Variants in GRIP1 observed in about 807,000 individuals in gnomAD.
GRIP1 encodes the protein glutamate receptor interacting protein 1.
GRIP1 carries 45 observed loss-of-function variants against 129.9 expected under a neutral mutation model. The ratio of observed to expected loss-of-function variants is 0.35; its 90% CI spans 0.27 to 0.44. The LOEUF (loss-of-function observed/expected upper bound fraction) is 0.44. Among genes scored for constraint, GRIP1 ranks in the 20% least tolerant of loss-of-function variants. The pLI, the probability that GRIP1 is intolerant of heterozygous loss-of-function variation, is 1.00. For missense variants in GRIP1, 1,196 were observed against 1,396.8 expected, an observed-to-expected ratio of 0.86 and a Z score of 2.29; for synonymous variants, 530 against 520.8, an observed-to-expected ratio of 1.02 and a Z score of -0.24.
intron 1 of GRIP1, among the ~76,000 whole-genome samples, chr12:66,769,395 C>T (rs769570685): frequency 6.6e-6 from 1 of 152,050 alleles, no homozygotes; most frequent in Admixed American, 6.6e-5. Flanking sequence ...AGTTTGAGAA[C>T]CACTGTTTTA....
intron 1 of GRIP1, among the ~76,000 whole-genome samples, chr12:66,863,636 G>A (rs950524454): frequency 1.3e-5 from 2 of 152,008 alleles, no homozygotes; most frequent in African/African-American, 2.4e-5. Flanking sequence ...ATAACTAAAA[G>A]GCCAGGTGGT....
chr12:66,802,376 G>A (rs975292953), intron 1 of GRIP1, among the ~76,000 whole-genome samples: 2 of 152,018 alleles, frequency 1.3e-5, no homozygotes, highest in Non-Finnish European at 2.9e-5. Context: ...CCTTAGCATG[G>A]CCTTGACAAA....
intron 7 of GRIP1, among the ~76,000 whole-genome samples, chr12:66,490,466 A>G (rs1245714035): frequency 1.3e-5 from 2 of 152,210 alleles, no homozygotes. Context: ...TACACCTTAT[A>G]CAAAAATTAA....
At chr12:66,586,064 A>G (rs906483208) in intron 2 of GRIP1, among the ~76,000 whole-genome samples, 1 of 152,122 alleles carries the variant, frequency 6.6e-6, no homozygotes, top group African/African-American at 2.4e-5. Flanking sequence ...CATAGACCAC[A>G]TGCTCCCTCT....
chr12:66,772,469 C>T (rs537115186), intron 1 of GRIP1, among the ~76,000 whole-genome samples: 14 of 152,332 alleles, frequency 9.2e-5, no homozygotes, highest in Admixed American at 3.9e-4. Context: ...TGATTGAGAA[C>T]ATCAATCCTG....
At chr12:66,413,378 C>T (rs571018196) in intron 15 of GRIP1, among the ~76,000 whole-genome samples, 128 of 152,140 alleles carry the variant, frequency 8.4e-4, no homozygotes, top group African/African-American at 3.1e-3. Flanking sequence ...AAAATTAAGG[C>T]AGAAATCAAG....
intron 1 of GRIP1, among the ~76,000 whole-genome samples, chr12:66,649,509 C>T (rs139505158): frequency 2.6e-5 from 4 of 152,240 alleles, no homozygotes; most frequent in Admixed American, 2.6e-4. Flanking sequence ...TGCTGAGCAC[C>T]GTATAGGGAT....
intron 1 of GRIP1, among the ~76,000 whole-genome samples, chr12:66,685,148 T>C (rs895371694): frequency 2.0e-5 from 3 of 152,140 alleles, no homozygotes; most frequent in African/African-American, 4.8e-5. Flanking sequence ...AGACCTTTAC[T>C]GATTACCTTG....
At chr12:66,450,805 A>G (rs1264067023) in intron 11 of GRIP1, among the ~76,000 whole-genome samples, 1 of 152,214 alleles carries the variant, frequency 6.6e-6, no homozygotes, top group Non-Finnish European at 1.5e-5. Flanking sequence ...AAAAAGATAT[A>G]TTGTGATTTA....
At chr12:66,508,246 T>C (rs2138849680) in intron 7 of GRIP1, among the ~76,000 whole-genome samples, 1 of 152,320 alleles carries the variant, frequency 6.6e-6, no homozygotes. Context: ...ATGATGATGA[T>C]TCATAAGAAC....
intron 7 of GRIP1, among the ~76,000 whole-genome samples, chr12:66,486,327 A>G (rs1258006205): frequency 6.6e-6 from 1 of 152,158 alleles, no homozygotes; most frequent in Non-Finnish European, 1.5e-5. Flanking sequence ...CTTCCAACTT[A>G]AATTTCTAGG....
At chr12:66,363,200 C>CTATAT (rs1565666281) in intron 23 of GRIP1, among the ~76,000 whole-genome samples, 6,445 of 88,186 alleles carry the variant, frequency 0.073, 769 homozygotes, top group East Asian at 0.087. Context: ...TGTGTGTGTC[C>CTATAT]ATATATATAT....
At chr12:66,766,538 C>T (rs1351332) in intron 1 of GRIP1, among the ~76,000 whole-genome samples, 91,674 of 152,004 alleles carry the variant, frequency 0.6, 27,957 homozygotes, top group East Asian at 0.77. Flanking sequence ...GCCTTGGTCA[C>T]CTTTGTGTTC....
intron 1 of GRIP1, among the ~76,000 whole-genome samples, chr12:67,068,795 C>T (rs1209877155): frequency 6.9e-6 from 1 of 145,446 alleles, no homozygotes; most frequent in Non-Finnish European, 1.5e-5. Context: ...AAAAATCTTT[C>T]CCCAAGCGAA....
At chr12:66,473,225 G>A (rs558093226) in intron 7 of GRIP1, among the ~76,000 whole-genome samples, 1 of 152,138 alleles carries the variant, frequency 6.6e-6, no homozygotes, top group Admixed American at 6.5e-5. Context: ...TTTGAACTGG[G>A]CAGAGGCCAC....
At chr12:66,530,258 T>A (rs1358282372) in intron 4 of GRIP1, among the ~76,000 whole-genome samples, 2 of 152,226 alleles carry the variant, frequency 1.3e-5, no homozygotes, top group Non-Finnish European at 2.9e-5. Flanking sequence ...TTGTTTTCCT[T>A]TTGTAAAATG....
Position 66,392,781 on chromosome 12 carries a change from G to T in GRIP1, c.2165C>A (p.Ala722Asp). Residue 722 changes from alanine (A) to aspartate (D), a missense_variant, in exon 18 of 25, where the codon GCC (alanine) becomes GAC (aspartate). This residue lies in a region of GRIP1 where 28 missense variants were observed against 78.1 expected (regional missense o/e 0.36). Transcript: ENST00000359742. ...CCCTTTCAAGCTGCTGCTATTGATG[G>T]CTAGGATTCGGTCTCCTATGTGGAT... is the stretch of plus-strand genomic sequence containing the variant. ...GAIHIGDRIL[A>D]INSSSLKGKP... is the part of the protein sequence containing the mutation. The T allele has an allele frequency of 1.9e-6, 3 of 1,614,042 alleles. No individual in the cohort carries two copies. The highest frequency in any genetic ancestry group is 1.7e-6 in the Non-Finnish European group (2 of 1,179,950).
At chr12:67,014,617 G>A (rs1164163043) in intron 1 of GRIP1, among the ~76,000 whole-genome samples, 1 of 151,914 alleles carries the variant, frequency 6.6e-6, no homozygotes, top group Non-Finnish European at 1.5e-5. Flanking sequence ...ACACAAAGGG[G>A]GTTCTGTGGT....
chr12:66,962,996 A>G (rs1022309091), intron 1 of GRIP1, among the ~76,000 whole-genome samples: 1 of 152,170 alleles, frequency 6.6e-6, no homozygotes. Flanking sequence ...GAAACTTACT[A>G]AGTTTATAAT....
Sources: allele counts gnomAD v4.1 joint callset (sites outside exome capture counted in the v4.1 genomes callset), GRCh38; gene constraint gnomAD v4.1.1; regional missense constraint gnomAD v4.1.1; transcripts MANE v1.5; gene names NCBI Gene and HGNC (gene_info 2026-07-23, HGNC 2026-07-21).